The following SMG6 variants were observed in gnomAD, a reference collection of about 807,000 sequenced individuals.
SMG6 encodes the protein telomerase-binding protein EST1A.
Under a neutral mutation model 142.2 loss-of-function variants are expected in SMG6, and 66 were observed. The observed-to-expected ratio is 0.46, with a 90% CI of 0.38 to 0.57. The LOEUF is 0.57. SMG6 is among the 20% of genes least tolerant of loss of function. The probability of loss-of-function intolerance (pLI) is 0.00; values close to 1 mark genes in which losing one functional copy is unlikely to be tolerated. For missense variants in SMG6, 1,793 were observed against 1,832.0 expected (o/e 0.98, Z 0.39); for synonymous variants, 779 against 702.4 (o/e 1.11, Z -1.72).
Position 2,266,352 on chromosome 17 carries a change from G to A in SMG6, c.2661+16295C>T, listed in dbSNP as rs190469401. ...GAGTTCTCATCAACACTCTCGGGGA[G>A]GATGAAAAACCTTAAGCTGGGAAAT... is the stretch of plus-strand genomic sequence containing the variant. On this transcript the variant is annotated intron_variant, in intron 8 of 18. Transcript: ENST00000263073. 1.1e-4 allele frequency among the ~76,000 whole-genome samples: 17 copies of A among 152,260 alleles called. No homozygotes were observed. The East Asian group carries it at 3.1e-3, about 28-fold the overall frequency.
chr17:2,117,144 T>C (rs904124937), intron 13 of SMG6, among the ~76,000 whole-genome samples: 2 of 151,428 alleles, frequency 1.3e-5, no homozygotes, highest in African/African-American at 4.9e-5. Context: ...GCCCAGTGTG[T>C]AGTGCAGTAG....
intron 13 of SMG6, among the ~76,000 whole-genome samples, chr17:2,145,643 CAAAAAAAAA>C (rs61451940): frequency 8.4e-5 from 2 of 23,776 alleles, no homozygotes; most frequent in East Asian, 1.5e-3. Flanking sequence ...TCCATCTCCC[CAAAAAAAAA>C]AAAAAAAAAA....
chr17:2,300,083 C>T lies in SMG6; in HGVS notation c.670G>A (p.Glu224Lys). Residue 224 changes from glutamate to lysine, a missense_variant, in exon 2 of 19, where the codon GAG becomes AAG. Glu to Lys is a moderately conservative substitution (Grantham distance 56, BLOSUM62 1). Around this residue, in one of 3 missense-constraint regions of SMG6, gnomAD observed 1,597 missense variants for 1,584.6 expected, o/e 1.01. Transcript: ENST00000263073. ...GEKGKRMGKG[E>K]GVRETHDDPA... is the part of the protein sequence containing the mutation. ...TCGTCGTGGGTTTCCCTCACCCCCT[C>T]CCCTTTTCCCATCCTCTTTCCTTTT... 2.5e-6 allele frequency: 4 copies of T among 1,614,146 alleles called. No homozygotes were observed. Among genetic ancestry groups the T allele is most frequent in the Non-Finnish European group, 3.4e-6 (4 of 1,179,992 alleles).
intron 13 of SMG6, among the ~76,000 whole-genome samples, chr17:2,104,158 A>G (rs542760416): frequency 5.5e-4 from 84 of 151,836 alleles, no homozygotes; most frequent in Non-Finnish European, 1.1e-3. Context: ...TCACCATGTT[A>G]GCCAGGATGG....
Position 2,217,103 on chromosome 17 carries a change from C to T in SMG6, c.2869+19389G>A, listed in dbSNP as rs115810501. 8.1e-3 allele frequency among the ~76,000 whole-genome samples: 1,230 copies of T among 152,140 alleles called. 15 individuals carry two copies. Among genetic ancestry groups the T allele is most frequent in the African/African-American group, 0.027 (1,139 of 41,500 alleles). On this transcript the variant is annotated intron_variant, in intron 10 of 18. Coordinates refer to ENST00000263073, the MANE Select transcript of SMG6 (RefSeq NM_017575.5). ...TGTATTCCATCCACAAGGTACTGGA[C>T]GTAGAAACAGGTTTGGAAATGGTTA... is the stretch of plus-strand genomic sequence containing the variant.
chr17:2,245,059 A>T, intron 8 of SMG6: 1 of 263,898 alleles, frequency 3.8e-6, no homozygotes, highest in South Asian at 9.7e-5. Context: ...CCGGCTCCAT[A>T]ATCATGGAAA....
chr17:2,284,050 A>T (rs1230893604), intron 6 of SMG6, among the ~76,000 whole-genome samples: 1 of 152,250 alleles, frequency 6.6e-6, no homozygotes, highest in Non-Finnish European at 1.5e-5. Context: ...CATGATGTTC[A>T]ATTCACTTTA....
At chr17:2,130,230 G>A (rs1228389361) in intron 13 of SMG6, among the ~76,000 whole-genome samples, 1 of 122,878 alleles carries the variant, frequency 8.1e-6, no homozygotes, top group Non-Finnish European at 1.6e-5. Context: ...ACTGCAGTCC[G>A]CAGTCCGGCC....
intron 10 of SMG6, among the ~76,000 whole-genome samples, chr17:2,217,748 C>T (rs949835663): frequency 6.6e-6 from 1 of 152,120 alleles, no homozygotes; most frequent in Non-Finnish European, 1.5e-5. Flanking sequence ...CGGTGGCTCA[C>T]GCCTGCAATC....
At chr17:2,302,707 T>C (rs1212658506) in intron 1 of SMG6, among the ~76,000 whole-genome samples, 1 of 152,154 alleles carries the variant, frequency 6.6e-6, no homozygotes, top group East Asian at 1.9e-4. Flanking sequence ...TGGATAGTGC[T>C]TCACTATTTT....
intron 13 of SMG6, among the ~76,000 whole-genome samples, chr17:2,096,468 CA>C (rs2068858430): frequency 6.6e-6 from 1 of 152,188 alleles, no homozygotes; most frequent in African/African-American, 2.4e-5. Context: ...CTTGGCCTCC[CA>C]AAGTGCTGGG....
chr17:2,162,238 C>T (rs966503754), intron 13 of SMG6, among the ~76,000 whole-genome samples: 22 of 151,978 alleles, frequency 1.4e-4, no homozygotes, highest in Non-Finnish European at 2.2e-4. Context: ...ATTGGCCAGG[C>T]GAGGTGGCTC....
chr17:2,246,057 A>T (rs1289315999), intron 8 of SMG6, among the ~76,000 whole-genome samples: 1 of 152,222 alleles, frequency 6.6e-6, no homozygotes, highest in East Asian at 1.9e-4. Context: ...GCATTAAAGA[A>T]GCCAAAAAAC....
intron 1 of SMG6, 158 bp downstream of exon 1, chr17:2,303,475 G>C: frequency 7.6e-7 from 1 of 1,322,770 alleles, no homozygotes; most frequent in Non-Finnish European, 9.6e-7. Flanking sequence ...ACCCGCGAGA[G>C]AGGTAGGGCA....
chr17:2,300,693 G>A (rs2151419163), intron 1 of SMG6, 29 bp from the exon 2 acceptor site: 1 of 1,528,048 alleles, frequency 6.5e-7, no homozygotes, highest in Non-Finnish European at 8.8e-7. Flanking sequence ...AGTTTGGGAG[G>A]GAAAGGTAGA....
chr17:2,300,877 G>A (rs990274890), intron 1 of SMG6, among the ~76,000 whole-genome samples: 1 of 152,218 alleles, frequency 6.6e-6, no homozygotes, highest in African/African-American at 2.4e-5. Flanking sequence ...ACAAGGCTAA[G>A]GACCTAACTG....
At chr17:2,255,799 G>A (rs2074163603) in intron 8 of SMG6, 2 of 223,024 alleles carry the variant, frequency 9.0e-6, no homozygotes, top group South Asian at 1.1e-4. Flanking sequence ...CTGTGTGGAA[G>A]GAAGTAGACA....
intron 10 of SMG6, chr17:2,229,448 C>CT (rs1202603907): frequency 3.3e-5 from 5 of 151,884 alleles, no homozygotes; most frequent in African/African-American, 1.2e-4. Flanking sequence ...GAAGCTTTTT[C>CT]TTTTTTCTGA....
intron 13 of SMG6, among the ~76,000 whole-genome samples, chr17:2,147,834 C>T (rs2070713836): frequency 6.6e-6 from 1 of 152,162 alleles, no homozygotes; most frequent in African/African-American, 2.4e-5. Flanking sequence ...AACTCCTGTG[C>T]ACTATTGGTG....
Sources: allele counts gnomAD v4.1 joint callset (sites outside exome capture counted in the v4.1 genomes callset), GRCh38; gene constraint gnomAD v4.1.1; regional missense constraint gnomAD v4.1.1; transcripts MANE v1.5; gene names NCBI Gene and HGNC (gene_info 2026-07-23, HGNC 2026-07-21).